Variants in COX10 observed in about 807,000 individuals in gnomAD.
COX10 encodes protoheme IX farnesyltransferase, mitochondrial.
COX10 carries 27 observed loss-of-function variants against 37.3 expected under a neutral mutation model. The ratio of observed to expected loss-of-function variants is 0.72; its 90% CI spans 0.53 to 1.00. COX10 has a LOEUF of 1.00. COX10 is among the 50% of genes least tolerant of loss of function. The probability of loss-of-function intolerance (pLI) is 0.00; values close to 1 mark genes in which losing one functional copy is unlikely to be tolerated. For synonymous variants in COX10, 222 were observed against 229.1 expected (o/e 0.97, Z 0.28); for missense variants, 475 against 563.2 (o/e 0.84, Z 1.59).
At chr17:14,137,244 T>C (rs1410751748) in intron 4 of COX10, among the ~76,000 whole-genome samples, 5 of 151,350 alleles carry the variant, frequency 3.3e-5, no homozygotes, top group African/African-American at 9.6e-5. Context: ...TATCAAAATA[T>C]GTGCAAATAT....
At chr17:14,127,683 G>A (rs1916374024) in intron 4 of COX10, among the ~76,000 whole-genome samples, 1 of 151,974 alleles carries the variant, frequency 6.6e-6, no homozygotes, top group African/African-American at 2.4e-5. Context: ...TGTATGCATT[G>A]GCCTTGTGTT....
intron 6 of COX10, among the ~76,000 whole-genome samples, chr17:14,192,528 A>G (rs1012142851): frequency 2.0e-5 from 3 of 152,212 alleles, no homozygotes; most frequent in African/African-American, 7.2e-5. Context: ...GATGAAAATC[A>G]CAAACGAAGC....
rs143056812 is a variant in COX10, at chr17:14,114,872, TTAGA to T, written c.624+12634_624+12637del. ...TACTTGATTTCCATAAACTTGCAAG[TTAGA>T]TAGGGCTTAATTTAATCTTTTCTAG... On this transcript the variant is annotated intron_variant, in intron 4 of 6. Coordinates refer to ENST00000261643, the MANE Select transcript of COX10 (RefSeq NM_001303.4). Among the ~76,000 whole-genome samples, 1,455 of 152,270 alleles carry T rather than the reference TTAGA, an allele frequency of 9.6e-3. 7 individuals are homozygous for T. Among genetic ancestry groups the T allele is most frequent in the Non-Finnish European group, 0.016 (1,062 of 67,982 alleles).
At chr17:14,182,289 A>G (rs1905890392) in intron 5 of COX10, 1 of 783,938 alleles carries the variant, frequency 1.3e-6, no homozygotes. Context: ...TAAATAAATA[A>G]ATAAATAAAT....
intron 4 of COX10, among the ~76,000 whole-genome samples, chr17:14,115,257 C>T (rs1916084345): frequency 6.6e-6 from 1 of 152,094 alleles, no homozygotes; most frequent in Admixed American, 6.6e-5. Flanking sequence ...GGAAGATGGT[C>T]CTATTGTTTG....
At chr17:14,196,291 G>C (rs1401967044) in intron 6 of COX10, among the ~76,000 whole-genome samples, 2 of 152,194 alleles carry the variant, frequency 1.3e-5, no homozygotes, top group African/African-American at 4.8e-5. Flanking sequence ...AGGCAGGCAG[G>C]TAATCAAATG....
intron 4 of COX10, among the ~76,000 whole-genome samples, chr17:14,151,525 TAACACACACA>T (rs1904890397): frequency 2.2e-5 from 2 of 90,104 alleles, no homozygotes; most frequent in African/African-American, 9.3e-5. Flanking sequence ...ATTCCTGAAC[TAACACACACA>T]CACACACACA....
intron 3 of COX10, among the ~76,000 whole-genome samples, chr17:14,080,219 CTTTT>C (rs71147840): frequency 1.9e-5 from 2 of 102,700 alleles, no homozygotes; most frequent in Non-Finnish European, 3.9e-5. Flanking sequence ...ATTAGACTTT[CTTTT>C]TTTTTTTTTT....
At chr17:14,204,500 C>G (rs1465042607) in intron 6 of COX10, among the ~76,000 whole-genome samples, 1 of 152,072 alleles carries the variant, frequency 6.6e-6, no homozygotes, top group Non-Finnish European at 1.5e-5. Flanking sequence ...CACGCACATC[C>G]TGTCCCTTTT....
At chr17:14,188,106 T>C (rs1329567807) in intron 5 of COX10, among the ~76,000 whole-genome samples, 2 of 141,480 alleles carry the variant, frequency 1.4e-5, no homozygotes, top group Non-Finnish European at 3.2e-5. Flanking sequence ...CTTCTTCTTT[T>C]TTTTTTTTTT....
intron 4 of COX10, among the ~76,000 whole-genome samples, chr17:14,138,469 C>T (rs118185675): frequency 0.014 from 2,063 of 152,216 alleles, 26 homozygotes; most frequent in Non-Finnish European, 0.02. Flanking sequence ...ATAGTATCCT[C>T]CTAATGGCAA....
intron 4 of COX10, among the ~76,000 whole-genome samples, chr17:14,155,492 G>C (rs1418660331): frequency 6.6e-6 from 1 of 152,034 alleles, no homozygotes; most frequent in African/African-American, 2.4e-5. Context: ...GAGTCAGATG[G>C]ATCACAAGAT....
chr17:14,163,679 GA>G, intron 5 of COX10, among the ~76,000 whole-genome samples: 2 of 152,162 alleles, frequency 1.3e-5, no homozygotes, highest in Middle Eastern at 6.8e-3. Context: ...TGTCTTAAAA[GA>G]AAAAAAGCAG....
intron 5 of COX10, among the ~76,000 whole-genome samples, chr17:14,183,789 T>G (rs1479401323): frequency 4.6e-5 from 7 of 152,190 alleles, no homozygotes; most frequent in Admixed American, 3.3e-4. Context: ...TTATTCTGTC[T>G]TATTTCATCT....
chr17:14,166,471 T>C (rs1359514305), intron 5 of COX10, among the ~76,000 whole-genome samples: 3 of 152,190 alleles, frequency 2.0e-5, no homozygotes, highest in African/African-American at 7.2e-5. Flanking sequence ...AGGAAAAGAT[T>C]GCCTTCAAAA....
chr17:14,124,032 A>G (rs1188748551), intron 4 of COX10, among the ~76,000 whole-genome samples: 1 of 152,174 alleles, frequency 6.6e-6, no homozygotes, highest in Non-Finnish European at 1.5e-5. Context: ...CAACAGTTAC[A>G]GTTGATTGCA....
At chr17:14,194,566 A>G (rs1008588033) in intron 6 of COX10, among the ~76,000 whole-genome samples, 5 of 152,090 alleles carry the variant, frequency 3.3e-5, no homozygotes, top group African/African-American at 1.2e-4. Context: ...AGCTGGGACT[A>G]CAGGCGCCCG....
chr17:14,206,273 C>T (rs1906696687), intron 6 of COX10, among the ~76,000 whole-genome samples: 1 of 152,162 alleles, frequency 6.6e-6, no homozygotes, highest in Admixed American at 6.5e-5. Context: ...AGCGGACTTG[C>T]AGCGTCCTCC....
intron 4 of COX10, among the ~76,000 whole-genome samples, chr17:14,134,821 G>T (rs948165430): frequency 6.6e-6 from 1 of 150,780 alleles, no homozygotes; most frequent in Non-Finnish European, 1.5e-5. Context: ...GATCTTCATA[G>T]ATTCACATGC....
Sources: gnomAD v4.1 joint callset for allele counts (sites outside exome capture counted in the v4.1 genomes callset) on GRCh38, gnomAD v4.1.1 for gene constraint, MANE v1.5 for transcripts, NCBI Gene and HGNC (gene_info 2026-07-23, HGNC 2026-07-21) for gene names.